MAN1C1: variants seen among roughly 807,000 people sequenced by gnomAD.
MAN1C1 encodes the protein mannosidase alpha class 1C member 1.
Under a neutral mutation model 71.5 loss-of-function variants are expected in MAN1C1, and 49 were observed. The ratio of observed to expected loss-of-function variants is 0.69; its 90% CI spans 0.54 to 0.87. MAN1C1 has a LOEUF of 0.87. Among genes scored for constraint, MAN1C1 ranks in the 40% least tolerant of loss-of-function variants. The pLI, the probability that MAN1C1 is intolerant of heterozygous loss-of-function variation, is 0.00. For synonymous variants in MAN1C1, 352 were observed against 343.7 expected (o/e 1.02, Z -0.27); for missense variants, 743 against 835.0 (o/e 0.89, Z 1.36).
At chr1:25,727,770 G>A (rs545806455) in intron 2 of MAN1C1, among the ~76,000 whole-genome samples, 4 of 152,342 alleles carry the variant, frequency 2.6e-5, no homozygotes, top group East Asian at 1.9e-4. Context: ...CCACCCTCAC[G>A]GGAATCCATC....
chr1:25,650,803 C>CAAGTAGTG (rs2045680595), intron 1 of MAN1C1, among the ~76,000 whole-genome samples: 1 of 152,142 alleles, frequency 6.6e-6, no homozygotes, highest in African/African-American at 2.4e-5. Context: ...TCAATTTAGT[C>CAAGTAGTG]CTTACAGAAG....
chr1:25,663,194 A>T (rs529193312), intron 1 of MAN1C1, among the ~76,000 whole-genome samples: 1 of 148,192 alleles, frequency 6.7e-6, no homozygotes, highest in South Asian at 2.1e-4. Context: ...AATATATATA[A>T]AATACGTATA....
chr1:25,686,557 T>A, intron 2 of MAN1C1, 21 bp downstream of exon 2: 2 of 1,607,458 alleles, frequency 1.2e-6, no homozygotes, highest in Non-Finnish European at 1.7e-6. Flanking sequence ...TCAAACCACT[T>A]TGATATTGGG....
At chr1:25,618,547 T>A (rs577030202) in intron 1 of MAN1C1, among the ~76,000 whole-genome samples, 1 of 151,998 alleles carries the variant, frequency 6.6e-6, no homozygotes, top group Non-Finnish European at 1.5e-5. Context: ...TCGGGTCAGT[T>A]AATCGTCCCC....
chr1:25,699,115 T>C (rs1290366811), intron 2 of MAN1C1, among the ~76,000 whole-genome samples: 5 of 152,042 alleles, frequency 3.3e-5, no homozygotes, highest in African/African-American at 1.2e-4. Context: ...GAGACCAGCC[T>C]GACCAACATG....
At chr1:25,756,856 G>A (rs754739430) in intron 5 of MAN1C1, among the ~76,000 whole-genome samples, 3 of 152,016 alleles carry the variant, frequency 2.0e-5, no homozygotes, top group South Asian at 2.1e-4. Context: ...GCTTGTCCCC[G>A]TGCCTGGCAC....
intron 1 of MAN1C1, among the ~76,000 whole-genome samples, chr1:25,667,670 T>G (rs2045943170): frequency 6.6e-6 from 1 of 152,166 alleles, no homozygotes; most frequent in Non-Finnish European, 1.5e-5. Flanking sequence ...CTCTCCTGTG[T>G]GATTAGGTTA....
intron 2 of MAN1C1, among the ~76,000 whole-genome samples, chr1:25,700,033 A>G (rs1178578608): frequency 6.6e-6 from 1 of 152,252 alleles, no homozygotes; most frequent in Non-Finnish European, 1.5e-5. Flanking sequence ...AGAGCCCCGG[A>G]AGTATGTTGT....
At chr1:25,744,194 C>T (rs776739784) in intron 2 of MAN1C1, among the ~76,000 whole-genome samples, 1 of 152,262 alleles carries the variant, frequency 6.6e-6, no homozygotes, top group Non-Finnish European at 1.5e-5. Flanking sequence ...GTGCTGGGCA[C>T]GATCTGCTTT....
rs1557757127 is a variant in MAN1C1, at chr1:25,668,564, T to TTC, written c.541-17875_541-17874insCT. 9.8e-3 allele frequency among the ~76,000 whole-genome samples: 1,490 copies of TTC among 151,678 alleles called. 23 individuals carry two copies. The highest frequency in any genetic ancestry group is 0.034 in the African/African-American group (1,386 of 41,308). On this transcript the variant is annotated intron_variant, in intron 1 of 11. Coordinates refer to ENST00000374332, the MANE Select transcript of MAN1C1 (RefSeq NM_020379.4). ...CCTTCTACTTTTCTTTCTTTCTTTT[T>TTC]TTTTTTTTTGAGACGGAGTCTTGCT...
chr1:25,689,739 G>A (rs886178075), intron 2 of MAN1C1, among the ~76,000 whole-genome samples: 20 of 152,210 alleles, frequency 1.3e-4, no homozygotes, highest in African/African-American at 4.1e-4. Context: ...CCTCCCTATA[G>A]GCTGAGCCCT....
chr1:25,778,179 G>A lies in MAN1C1; in HGVS notation c.1332G>A (p.Leu444=), dbSNP rs753324414. The change falls in exon 9 of 12, where the codon CTG becomes CTA. Residue 444 remains leucine, a synonymous_variant. Transcript: ENST00000374332. The surrounding 1 kb of genome is among the most constrained non-coding windows in gnomAD (Gnocchi z 5.5). ...TYIAEWRGGI[L]DHKMGHLACF... ...TTGCCGAGTGGCGAGGGGGGATTCT[G>A]GACCACAAGATGGGGCACCTGGCCT... 1.1e-5 allele frequency: 17 copies of A among 1,612,014 alleles called. No homozygotes were observed. Among genetic ancestry groups the A allele is most frequent in the Non-Finnish European group, 1.4e-5 (17 of 1,178,872 alleles).
intron 2 of MAN1C1, among the ~76,000 whole-genome samples, chr1:25,713,170 AC>A (rs1030280875): frequency 3.7e-4 from 56 of 151,600 alleles, no homozygotes; most frequent in African/African-American, 1.3e-3. Context: ...GCCTGGGGTC[AC>A]ACAGGCCTCC....
chr1:25,636,228 A>G (rs1368322765), intron 1 of MAN1C1, among the ~76,000 whole-genome samples: 1 of 152,140 alleles, frequency 6.6e-6, no homozygotes, highest in African/African-American at 2.4e-5. Context: ...ACAACAGAAA[A>G]CAGGGTTCAA....
chr1:25,704,033 C>G (rs943143179), intron 2 of MAN1C1, among the ~76,000 whole-genome samples: 15 of 152,206 alleles, frequency 9.9e-5, no homozygotes, highest in African/African-American at 3.6e-4. Context: ...ACGCCCCTGC[C>G]ACATGCTTCT....
intron 7 of MAN1C1, among the ~76,000 whole-genome samples, chr1:25,770,220 C>T (rs940865734): frequency 6.6e-6 from 1 of 152,220 alleles, no homozygotes; most frequent in African/African-American, 2.4e-5. Flanking sequence ...TCCAGCCCAC[C>T]CCAGCCCTTT....
At chr1:25,678,191 G>C (rs1396305851) in intron 1 of MAN1C1, among the ~76,000 whole-genome samples, 1 of 152,028 alleles carries the variant, frequency 6.6e-6, no homozygotes, top group Admixed American at 6.6e-5. Context: ...TTTGTGTTCT[G>C]CCTTTCCACC....
intron 6 of MAN1C1, chr1:25,761,650 GTC>G (rs1355409484): frequency 1.0e-5 from 1 of 98,774 alleles, no homozygotes; most frequent in Non-Finnish European, 1.9e-5. Flanking sequence ...TTGAGACGGA[GTC>G]TCTCTCTGTC....
intron 2 of MAN1C1, among the ~76,000 whole-genome samples, chr1:25,729,274 C>A (rs1332820573): frequency 6.6e-6 from 1 of 152,220 alleles, no homozygotes; most frequent in Non-Finnish European, 1.5e-5. Flanking sequence ...TGGAATGTCC[C>A]CCCTGTTGCT....
Sources: allele counts gnomAD v4.1 joint callset (sites outside exome capture counted in the v4.1 genomes callset), GRCh38; gene constraint gnomAD v4.1.1; non-coding constraint Gnocchi (gnomAD v3.1); transcripts MANE v1.5; gene names NCBI Gene and HGNC (gene_info 2026-07-23, HGNC 2026-07-21).